GRID2: variants seen among roughly 807,000 people sequenced by gnomAD.
GRID2 encodes glutamate ionotropic receptor delta type subunit 2.
Under a neutral mutation model 114.8 loss-of-function variants are expected in GRID2, and 33 were observed. The ratio of observed to expected loss-of-function variants is 0.29; its 90% CI spans 0.22 to 0.38. The LOEUF (loss-of-function observed/expected upper bound fraction) is 0.38, where lower values mean the gene tolerates loss of function less well. Among genes scored for constraint, GRID2 ranks in the 10% least tolerant of loss-of-function variants. GRID2 has a pLI of 1.00. For missense variants in GRID2, 1,184 were observed against 1,257.7 expected (o/e 0.94, Z 0.89); for synonymous variants, 505 against 449.9 (o/e 1.12, Z -1.55).
chr4:93,206,034 A>C (rs1277703679), intron 4 of GRID2, among the ~76,000 whole-genome samples: 1 of 152,086 alleles, frequency 6.6e-6, no homozygotes, highest in Non-Finnish European at 1.5e-5. Context: ...ACAAACCTGC[A>C]CATTGTGCAC....
chr4:93,728,138 C>T (rs1730118557), intron 14 of GRID2, among the ~76,000 whole-genome samples: 2 of 151,918 alleles, frequency 1.3e-5, no homozygotes, highest in African/African-American at 4.8e-5. Flanking sequence ...TATAAATTTC[C>T]CTCTACACAC....
In GRID2 at chr4:92,948,780, T is replaced by C. The variant is rs932929002; in HGVS notation, c.245-136215T>C. Among the ~76,000 whole-genome samples, 10 of 152,152 alleles carry C rather than the reference T, an allele frequency of 6.6e-5. 2 individuals carry two copies. Among genetic ancestry groups the C allele is most frequent in the Admixed American group, 6.6e-5 (1 of 15,262 alleles). On this transcript the variant is annotated intron_variant, in intron 2 of 15. Coordinates refer to ENST00000282020, the MANE Select transcript of GRID2 (RefSeq NM_001510.4). ...TGCAAATTGAAGTATAATGAATTAG[T>C]ACAATCTCTGAGAACACAGAGATAT... is the stretch of plus-strand genomic sequence containing the variant.
intron 1 of GRID2, among the ~76,000 whole-genome samples, chr4:92,586,571 A>G (rs1219260285): frequency 6.6e-6 from 1 of 151,994 alleles, no homozygotes; most frequent in Non-Finnish European, 1.5e-5. Flanking sequence ...TTTGAATTGT[A>G]CAATAATTTA....
chr4:93,282,009 T>C (rs942967352), intron 8 of GRID2, among the ~76,000 whole-genome samples: 3 of 152,038 alleles, frequency 2.0e-5, no homozygotes, highest in Non-Finnish European at 4.4e-5. Context: ...GAACAAAATA[T>C]ATTCTTGTAT....
chr4:93,413,437 A>T (rs917005072), intron 9 of GRID2, among the ~76,000 whole-genome samples: 4 of 152,020 alleles, frequency 2.6e-5, no homozygotes, highest in Non-Finnish European at 5.9e-5. Flanking sequence ...CCACTTTTTT[A>T]TGGGGTTGAG....
intron 1 of GRID2, among the ~76,000 whole-genome samples, chr4:92,324,649 A>T (rs1220796987): frequency 6.6e-6 from 1 of 151,544 alleles, no homozygotes; most frequent in Non-Finnish European, 1.5e-5. Flanking sequence ...CTTCTGTATC[A>T]CTGTAGGAAG....
chr4:92,486,892 G>C (rs1418718302), intron 1 of GRID2, among the ~76,000 whole-genome samples: 1 of 151,870 alleles, frequency 6.6e-6, no homozygotes, highest in Non-Finnish European at 1.5e-5. Context: ...CAGAGATATG[G>C]ATATACAGTA....
At chr4:93,714,046 A>G (rs1469510895) in intron 14 of GRID2, among the ~76,000 whole-genome samples, 1 of 152,058 alleles carries the variant, frequency 6.6e-6, no homozygotes, top group African/African-American at 2.4e-5. Context: ...TCACCTAGGT[A>G]TTAAGCCTAG....
chr4:93,000,733 T>G (rs2149216457), intron 2 of GRID2, among the ~76,000 whole-genome samples: 1 of 144,874 alleles, frequency 6.9e-6, no homozygotes, highest in Admixed American at 7.2e-5. Context: ...TTTTTATTTT[T>G]TATCAATTAA....
intron 8 of GRID2, among the ~76,000 whole-genome samples, chr4:93,362,008 G>T (rs1186282360): frequency 4.0e-5 from 6 of 151,764 alleles, no homozygotes; most frequent in Non-Finnish European, 8.8e-5. Context: ...CACCCCACAG[G>T]CCCCAGTGTG....
At chr4:92,491,582 A>G (rs1294756246) in intron 1 of GRID2, among the ~76,000 whole-genome samples, 1 of 151,936 alleles carries the variant, frequency 6.6e-6, no homozygotes, top group Non-Finnish European at 1.5e-5. Flanking sequence ...GACTTGTGCC[A>G]TTTCTTATTA....
intron 2 of GRID2, among the ~76,000 whole-genome samples, chr4:92,681,040 A>T (rs547429921): frequency 6.6e-6 from 1 of 152,296 alleles, no homozygotes; most frequent in Admixed American, 6.5e-5. Flanking sequence ...TTGAGAATGA[A>T]GAGAAATTGG....
At chr4:93,038,438 G>A (rs1353690689) in intron 2 of GRID2, among the ~76,000 whole-genome samples, 1 of 152,108 alleles carries the variant, frequency 6.6e-6, no homozygotes, top group Non-Finnish European at 1.5e-5. Flanking sequence ...TTAGAGAAAA[G>A]CAAATCAAAA....
chr4:92,790,641 C>T (rs1454879795), intron 2 of GRID2, among the ~76,000 whole-genome samples: 1 of 150,826 alleles, frequency 6.6e-6, no homozygotes, highest in Non-Finnish European at 1.5e-5. Context: ...TGGTCTCAAA[C>T]TCCTAGATTC....
chr4:92,725,790 T>G (rs1736039624), intron 2 of GRID2, among the ~76,000 whole-genome samples: 1 of 152,162 alleles, frequency 6.6e-6, no homozygotes, highest in Non-Finnish European at 1.5e-5. Flanking sequence ...AATGAAAGTT[T>G]TATTATAGCC....
chr4:93,437,630 C>A (rs1238178529), intron 10 of GRID2, among the ~76,000 whole-genome samples: 1 of 152,142 alleles, frequency 6.6e-6, no homozygotes, highest in East Asian at 1.9e-4. Context: ...TCTCAAACAC[C>A]TGTGTCTTCT....
chr4:92,978,277 T>G (rs1347250854), intron 2 of GRID2, among the ~76,000 whole-genome samples: 1 of 147,784 alleles, frequency 6.8e-6, no homozygotes, highest in Non-Finnish European at 1.5e-5. Flanking sequence ...ACAGTTTGAT[T>G]TCAGTAATTA....
intron 1 of GRID2, among the ~76,000 whole-genome samples, chr4:92,579,351 C>A (rs1348294448): frequency 1.3e-5 from 2 of 151,948 alleles, no homozygotes; most frequent in African/African-American, 4.8e-5. Context: ...CTCTTTCCAG[C>A]TCTTTTTTGT....
intron 2 of GRID2, among the ~76,000 whole-genome samples, chr4:92,861,396 G>A (rs550905138): frequency 2.6e-5 from 4 of 152,154 alleles, no homozygotes; most frequent in South Asian, 2.1e-4. Flanking sequence ...CAGGGGACAC[G>A]CACACTAGTG....
Sources: gnomAD v4.1 joint callset for allele counts (sites outside exome capture counted in the v4.1 genomes callset) on GRCh38, gnomAD v4.1.1 for gene constraint, MANE v1.5 for transcripts, NCBI Gene and HGNC (gene_info 2026-07-23, HGNC 2026-07-21) for gene names.